Variants in GRIA3 observed in about 807,000 individuals in gnomAD.
The protein encoded by GRIA3 is glutamate receptor 3.
A neutral mutation model predicts 63.0 loss-of-function variants in GRIA3; 3 were observed. The ratio of observed to expected loss-of-function variants is 0.05; its 90% CI spans 0.02 to 0.12. The LOEUF (loss-of-function observed/expected upper bound fraction) is 0.12, where lower values mean the gene tolerates loss of function less well. GRIA3 is among the 10% of genes least tolerant of loss of function. The probability of loss-of-function intolerance (pLI) is 1.00; values close to 1 mark genes in which losing one functional copy is unlikely to be tolerated. For synonymous variants in GRIA3, 274 were observed against 257.9 expected (o/e 1.06, Z -0.60); for missense variants, 347 against 700.9 (o/e 0.50, Z 5.70).
intron 3 of GRIA3, among the ~76,000 whole-genome samples, chrX:123,321,601 G>A (rs753904913): frequency 1.8e-5 from 2 of 111,996 alleles, no homozygotes; most frequent in Admixed American, 9.5e-5. Context: ...AGCATGGAGC[G>A]GGTTTTCACT....
intron 3 of GRIA3, among the ~76,000 whole-genome samples, chrX:123,277,361 G>T (rs1290574457): frequency 9.0e-6 from 1 of 111,458 alleles, no homozygotes; most frequent in African/African-American, 3.3e-5. Flanking sequence ...TATTTCAAGT[G>T]CCCTGCAGTC....
Position 123,417,687 on chromosome X carries a change from C to A in GRIA3, c.1786C>A (p.Pro596Thr), listed in dbSNP as rs375541932. 3.4e-6 allele frequency: 4 copies of A among 1,166,785 alleles called. No homozygotes were observed. The highest frequency in any genetic ancestry group is 4.6e-6 in the Non-Finnish European group (4 of 873,202). ...NNEEPRDPQSPPDPPNEFGIF... is the reference protein window; with the variant it reads ...NNEEPRDPQSTPDPPNEFGIF... The stretch of plus-strand genomic sequence containing the variant: ...TGAAGAACCTCGTGACCCACAAAGT[C>A]CTCCTGATCCTCCAAATGAATTTGG... Residue 596 changes from proline to threonine, a missense_variant, in exon 11 of 16, where the codon CCT (proline) becomes ACT (threonine). Coordinates refer to ENST00000620443, the MANE Select transcript of GRIA3 (RefSeq NM_007325.5).
intron 12 of GRIA3, among the ~76,000 whole-genome samples, chrX:123,434,829 A>T (rs1301674224): frequency 8.9e-6 from 1 of 112,133 alleles, no homozygotes; most frequent in Non-Finnish European, 1.9e-5. Context: ...AAGAAAGTAG[A>T]GGTTGACCTG....
intron 4 of GRIA3, among the ~76,000 whole-genome samples, chrX:123,327,991 T>G (rs905563646): frequency 1.8e-5 from 2 of 112,054 alleles, no homozygotes; most frequent in Admixed American, 1.9e-4. Flanking sequence ...AAGAACATCC[T>G]CCTTGTCATA....
intron 3 of GRIA3, among the ~76,000 whole-genome samples, chrX:123,268,499 T>A (rs953233826): frequency 4.6e-5 from 5 of 109,595 alleles, no homozygotes; most frequent in African/African-American, 9.8e-5. Flanking sequence ...AATAATAATA[T>A]AAATATGTCA....
chrX:123,424,699 T>C (rs912828250), intron 11 of GRIA3, among the ~76,000 whole-genome samples: 10 of 111,373 alleles, frequency 9.0e-5, no homozygotes, highest in African/African-American at 2.9e-4. Context: ...CCATTTTGCA[T>C]TTAGATTTAT....
intron 3 of GRIA3, among the ~76,000 whole-genome samples, chrX:123,259,507 G>GCA (rs1221234292): frequency 0.018 from 20 of 1,141 alleles, no homozygotes; most frequent in East Asian, 0.5. Flanking sequence ...ACACACTCAT[G>GCA]CGCGCGCACA....
At chrX:123,297,561 C>T (rs2044693047) in intron 3 of GRIA3, among the ~76,000 whole-genome samples, 1 of 111,199 alleles carries the variant, frequency 9.0e-6, no homozygotes, top group South Asian at 3.7e-4. Flanking sequence ...TCTGCAAAGG[C>T]CTCAGGTTAC....
intron 12 of GRIA3, among the ~76,000 whole-genome samples, chrX:123,453,397 G>C (rs367675098): frequency 4.5e-5 from 5 of 110,003 alleles, no homozygotes; most frequent in Admixed American, 9.7e-5. Flanking sequence ...GTCGTGGGGT[G>C]GGGGGAGAGG....
chrX:123,463,606 GGGAGGGAAAGAAAGAA>G, intron 12 of GRIA3, among the ~76,000 whole-genome samples: 1 of 20,049 alleles, frequency 5.0e-5, no homozygotes, highest in Non-Finnish European at 9.1e-5. Context: ...GAGGGAGGGA[GGGAGGGAAAGAAAGAA>G]AGAAAGAAAG....
At chrX:123,194,038 C>CT (rs1420104971) in intron 2 of GRIA3, among the ~76,000 whole-genome samples, 1 of 111,229 alleles carries the variant, frequency 9.0e-6, no homozygotes, top group Non-Finnish European at 1.9e-5. Context: ...AATTCTGGTA[C>CT]TTTATTCACT....
Position 123,253,541 on chromosome X carries a change from A to G in GRIA3, c.507A>G (p.Arg169=). Reference sequence around the variant, plus strand: ...TTGTGTACCTCTATGACACAGAACGAGGTAAGAAGAGGCACCTGCTCTGCT... The same window carrying G: ...TTGTGTACCTCTATGACACAGAACGGGGTAAGAAGAGGCACCTGCTCTGCT... The part of the protein sequence containing the change: ...EKFVYLYDTE[R]GFSILQAIME... The change falls in exon 3 of 16, where the codon CGA becomes CGG. Residue 169 remains arginine, a splice_region_variant and synonymous_variant. Coordinates refer to ENST00000620443, the MANE Select transcript of GRIA3 (RefSeq NM_007325.5). 8.3e-7 allele frequency: 1 copy of G among 1,202,939 alleles called. No individual in the cohort carries two copies.
At chrX:123,267,339 G>A (rs888320621) in intron 3 of GRIA3, among the ~76,000 whole-genome samples, 1 of 111,127 alleles carries the variant, frequency 9.0e-6, no homozygotes, top group Non-Finnish European at 1.9e-5. Flanking sequence ...TTCCTGGTCC[G>A]ACCAACTTAG....
At chrX:123,249,699 C>A (rs2044378512) in intron 2 of GRIA3, among the ~76,000 whole-genome samples, 1 of 111,715 alleles carries the variant, frequency 9.0e-6, no homozygotes, top group African/African-American at 3.3e-5. Context: ...TGATGTCCAC[C>A]ACCAAAAGAC....
At chrX:123,233,236 T>C in intron 2 of GRIA3, among the ~76,000 whole-genome samples, 1 of 111,595 alleles carries the variant, frequency 9.0e-6, no homozygotes, top group Middle Eastern at 4.6e-3. Flanking sequence ...TTCACTACCA[T>C]TCCCAGGCTT....
intron 12 of GRIA3, among the ~76,000 whole-genome samples, chrX:123,461,540 A>G (rs1486119796): frequency 8.9e-6 from 1 of 112,305 alleles, no homozygotes; most frequent in Non-Finnish European, 1.9e-5. Flanking sequence ...ACCAGTGAAT[A>G]GCCCAGCATG....
intron 3 of GRIA3, among the ~76,000 whole-genome samples, chrX:123,296,776 T>C (rs1603076859): frequency 2.7e-5 from 3 of 111,323 alleles, no homozygotes. Context: ...GTCCACATGA[T>C]AATGTGTAGC....
rs1436275972 is a variant in GRIA3 at position 123,184,504 on chromosome X, C to A, written c.-32C>A. On this transcript the variant is annotated 5_prime_UTR_variant, in exon 1 of 16. Coordinates refer to ENST00000620443, the MANE Select transcript of GRIA3 (RefSeq NM_007325.5). ...ATTTTGACGACTCCTGAGTTGCGCC[C>A]ATGCTCTTGTCAGCTTCGTTTTAGG... 1 of 1,074,277 alleles carries A rather than the reference C, an allele frequency of 9.3e-7. No individual in the cohort carries two copies. The highest frequency in any genetic ancestry group is 1.8e-5 in the South Asian group (1 of 54,180). The allele number at this position is 1,074,277 out of a possible 1,213,427, so 88.5% of individuals were successfully genotyped here. A position where few individuals can be genotyped will look rare whatever the true frequency, so the allele number is the denominator to read the frequency against.
At chrX:123,319,139 G>A (rs1366745884) in intron 3 of GRIA3, among the ~76,000 whole-genome samples, 3 of 111,500 alleles carry the variant, frequency 2.7e-5, no homozygotes, top group African/African-American at 9.8e-5. Flanking sequence ...ACAACACAGG[G>A]GAATTCTGGG....
Sources: gnomAD v4.1 joint callset for allele counts (sites outside exome capture counted in the v4.1 genomes callset) on GRCh38, gnomAD v4.1.1 for gene constraint, MANE v1.5 for transcripts, NCBI Gene and HGNC (gene_info 2026-07-23, HGNC 2026-07-21) for gene names.